VWC2L: variants seen among roughly 807,000 people sequenced by gnomAD.
VWC2L encodes the protein von Willebrand factor C domain-containing protein 2-like.
In VWC2L, 10 loss-of-function variants were observed where a neutral mutation model predicts 21.6. That is an observed-to-expected ratio of 0.46 (90% CI 0.29 to 0.78). VWC2L has a LOEUF of 0.78. Among genes scored for constraint, VWC2L ranks in the 30% least tolerant of loss-of-function variants. VWC2L has a pLI of 0.10. For missense variants in VWC2L, 209 were observed against 277.1 expected (o/e 0.75, Z 1.74); for synonymous variants, 96 against 94.3 (o/e 1.02, Z -0.10).
chr2:214,467,938 G>A (rs868482890), intron 3 of VWC2L, among the ~76,000 whole-genome samples: 1 of 152,096 alleles, frequency 6.6e-6, no homozygotes. Flanking sequence ...TTGAGCCCAG[G>A]AGTTAGAGAC....
At chr2:214,492,744 T>C (rs1688761847) in intron 3 of VWC2L, among the ~76,000 whole-genome samples, 1 of 152,192 alleles carries the variant, frequency 6.6e-6, no homozygotes, top group African/African-American at 2.4e-5. Context: ...ATTTTGAGTT[T>C]TGGTATGTCT....
chr2:214,493,521 T>A (rs1688772659), intron 3 of VWC2L, among the ~76,000 whole-genome samples: 1 of 152,190 alleles, frequency 6.6e-6, no homozygotes, highest in South Asian at 2.1e-4. Context: ...TGCATTCTTG[T>A]GCATGCTCCC....
intron 3 of VWC2L, among the ~76,000 whole-genome samples, chr2:214,518,776 T>A (rs983955758): frequency 1.3e-5 from 2 of 152,208 alleles, no homozygotes; most frequent in Non-Finnish European, 2.9e-5. Flanking sequence ...CCCAAAAGAA[T>A]GTTAGTAATC....
Position 214,414,506 on chromosome 2 carries a change from T to G in VWC2L, c.313T>G (p.Cys105Gly). Residue 105 changes from cysteine to glycine, a missense_variant, in exon 2 of 4, where the codon TGC (cysteine) becomes GGC (glycine). Transcript: ENST00000312504. ...GTGTACTAAAGTGGAACACAATGGA[T>G]GCTGTCCTGAGTGCAAAGAAGTAAA... Reference protein sequence around the residue: ...PKCTKVEHNGCCPECKEVKNF... With the variant: ...PKCTKVEHNGGCPECKEVKNF... 6.2e-7 allele frequency: 1 copy of G among 1,613,498 alleles called. No individual in the cohort carries two copies. The highest frequency in any genetic ancestry group is 8.5e-7 in the Non-Finnish European group (1 of 1,179,692).
chr2:214,449,630 G>A lies in VWC2L; in HGVS notation c.520+12872G>A, dbSNP rs375775112. Among the ~76,000 whole-genome samples the A allele has an allele frequency of 6.6e-5, 10 of 152,308 alleles. No homozygotes were observed. The South Asian group carries it at 1.0e-3, about 16-fold the overall frequency. On this transcript the variant is annotated intron_variant, in intron 3 of 3. Transcript: ENST00000312504. ...GGCAGTGGCAGGAAGCCCTTGCAGCGAGACCTCTGATATTTAAATGTAGCT... is the reference window on the plus strand; with the variant it reads ...GGCAGTGGCAGGAAGCCCTTGCAGCAAGACCTCTGATATTTAAATGTAGCT...
At position 214,414,179 on chromosome 2, in the gene VWC2L, T is replaced by C; in HGVS notation, c.-15T>C. 6.2e-7 allele frequency: 1 copy of C among 1,602,430 alleles called. No individual in the cohort carries two copies. The highest frequency in any genetic ancestry group is 8.5e-7 in the Non-Finnish European group (1 of 1,177,474). On this transcript the variant is annotated 5_prime_UTR_variant, in exon 2 of 4. Coordinates refer to ENST00000312504, the MANE Select transcript of VWC2L (RefSeq NM_001080500.4). ...TTAATATTAGGAGCACATCCAGAAGTCTTTGAAGAGGGGGATGGCTCTTCA... is the reference window on the plus strand; with the variant it reads ...TTAATATTAGGAGCACATCCAGAAGCCTTTGAAGAGGGGGATGGCTCTTCA...
intron 3 of VWC2L, among the ~76,000 whole-genome samples, chr2:214,499,503 G>A (rs1360333552): frequency 9.4e-5 from 13 of 137,814 alleles, no homozygotes; most frequent in African/African-American, 3.2e-4. Context: ...AGCCTGTCGT[G>A]GGGTGGGGGG....
Position 214,414,279 on chromosome 2 carries a change from A to C in VWC2L, c.86A>C (p.Tyr29Ser), listed in dbSNP as rs779057845. The C allele has an allele frequency of 6.2e-6, 10 of 1,613,718 alleles. No individual in the cohort carries two copies. The highest frequency in any genetic ancestry group is 8.5e-6 in the Non-Finnish European group (10 of 1,179,822). The part of the protein sequence containing the change: ...VTSAAISHED[Y>S]PADEGDQISS... Reference sequence around the variant, plus strand: ...TCTGCTGCTATCAGTCATGAAGACTATCCTGCTGATGAAGGTGACCAGATC... The same window carrying C: ...TCTGCTGCTATCAGTCATGAAGACTCTCCTGCTGATGAAGGTGACCAGATC... Residue 29 changes from tyrosine (Y) to serine (S), a missense_variant, in exon 2 of 4, where the codon TAT becomes TCT. By Grantham distance (144) the Tyr-to-Ser change is moderately radical. Transcript: ENST00000312504.
intron 3 of VWC2L, among the ~76,000 whole-genome samples, chr2:214,574,034 T>C (rs1007187089): frequency 2.6e-5 from 4 of 152,150 alleles, no homozygotes; most frequent in African/African-American, 9.7e-5. Context: ...CCCAGCTACC[T>C]GGGAGGCTGA....
intron 2 of VWC2L, among the ~76,000 whole-genome samples, chr2:214,417,533 T>C (rs916254427): frequency 1.3e-5 from 2 of 152,118 alleles, no homozygotes; most frequent in African/African-American, 4.8e-5. Context: ...GAAATTGATC[T>C]GGGAAGACTG....
intron 3 of VWC2L, among the ~76,000 whole-genome samples, chr2:214,516,558 T>C (rs1689146497): frequency 6.6e-6 from 1 of 152,200 alleles, no homozygotes; most frequent in African/African-American, 2.4e-5. Context: ...TTTATTTCTT[T>C]TAATCTAAAG....
intron 3 of VWC2L, among the ~76,000 whole-genome samples, chr2:214,454,332 T>C (rs576077498): frequency 5.3e-5 from 8 of 152,314 alleles, no homozygotes; most frequent in Admixed American, 2.0e-4. Context: ...TGGTAAAAAC[T>C]GTACATTCTT....
At chr2:214,514,611 A>G (rs1309926940) in intron 3 of VWC2L, among the ~76,000 whole-genome samples, 2 of 152,178 alleles carry the variant, frequency 1.3e-5, no homozygotes, top group Non-Finnish European at 2.9e-5. Context: ...ATCATGATAC[A>G]TTTTTGCAAT....
chr2:214,413,227 G>T (rs191804572), intron 1 of VWC2L, among the ~76,000 whole-genome samples: 68 of 151,944 alleles, frequency 4.5e-4, no homozygotes, highest in African/African-American at 1.6e-3. Flanking sequence ...ATGTTTTCAA[G>T]ATCTCATAAA....
At chr2:214,476,909 C>T (rs1159491133) in intron 3 of VWC2L, among the ~76,000 whole-genome samples, 1 of 152,130 alleles carries the variant, frequency 6.6e-6, no homozygotes, top group Non-Finnish European at 1.5e-5. Flanking sequence ...GTAGCTGATG[C>T]TGAGGTGTTC....
chr2:214,441,497 G>A (rs76290789), intron 3 of VWC2L, among the ~76,000 whole-genome samples: 9,316 of 152,108 alleles, frequency 0.061, 902 homozygotes, highest in African/African-American at 0.21. Context: ...TGGGATTGAT[G>A]GTGCCTCATA....
chr2:214,418,744 CT>C (rs144130373), intron 2 of VWC2L, among the ~76,000 whole-genome samples: 95 of 152,220 alleles, frequency 6.2e-4, no homozygotes, highest in African/African-American at 2.2e-3. Context: ...GATTTAGTTT[CT>C]GTTTATGTGT....
Position 214,507,450 on chromosome 2 carries a change from C to T in VWC2L, c.521-68222C>T, listed in dbSNP as rs532787777. Among the ~76,000 whole-genome samples the T allele has an allele frequency of 2.6e-5, 4 of 152,088 alleles. No homozygotes were observed. In the South Asian group the frequency reaches 8.3e-4, roughly 32 times the overall value. ...TTTCACATATATTACCATATTTGAC[C>T]CTCAGATTTGTAAACGGGAATAACG... On this transcript the variant is annotated intron_variant, in intron 3 of 3. Transcript: ENST00000312504.
intron 3 of VWC2L, among the ~76,000 whole-genome samples, chr2:214,563,294 T>C (rs1356766882): frequency 1.3e-5 from 2 of 151,984 alleles, no homozygotes; most frequent in Non-Finnish European, 1.5e-5. Flanking sequence ...ACGCCTGTAA[T>C]CCCAGCACTT....
Sources: allele counts gnomAD v4.1 joint callset (sites outside exome capture counted in the v4.1 genomes callset), GRCh38; gene constraint gnomAD v4.1.1; transcripts MANE v1.5; gene names NCBI Gene and HGNC (gene_info 2026-07-23, HGNC 2026-07-21).